KLRG1: variants seen among roughly 807,000 people sequenced by gnomAD.
KLRG1 encodes killer cell lectin-like receptor subfamily G member 1.
A neutral mutation model predicts 21.8 loss-of-function variants in KLRG1; 16 were observed. That is an observed-to-expected ratio of 0.73 (90% CI 0.50 to 1.11). The LOEUF is 1.11. Ranked by LOEUF, KLRG1 falls within the 50% of genes most tolerant of loss-of-function variation. The pLI, the probability that KLRG1 is intolerant of heterozygous loss-of-function variation, is 0.00. For missense variants in KLRG1, 173 were observed against 218.3 expected (o/e 0.79, Z 1.31); for synonymous variants, 69 against 75.9 (o/e 0.91, Z 0.47).
At chr12:9,119,289 G>A in the KLRG1 span, among the ~76,000 whole-genome samples, 1 of 152,210 alleles carries the variant, frequency 6.6e-6, no homozygotes, top group African/African-American at 2.4e-5. Flanking sequence ...AAATAGGAGG[G>A]ATTAATGTTA....
At chr12:8,954,552 G>A (rs1946257429) in intron 1 of KLRG1, among the ~76,000 whole-genome samples, 1 of 151,702 alleles carries the variant, frequency 6.6e-6, no homozygotes, top group Non-Finnish European at 1.5e-5. Flanking sequence ...AAAAAGTTTT[G>A]TGGTTCTCTT....
the KLRG1 span, chr12:9,208,165 G>A: frequency 4.6e-6 from 4 of 864,990 alleles, no homozygotes; most frequent in Non-Finnish European, 7.8e-6. Flanking sequence ...ATTGTAATGA[G>A]TGGAAAGGTG....
the KLRG1 span, chr12:9,089,198 A>C: frequency 6.3e-7 from 1 of 1,582,316 alleles, no homozygotes; most frequent in Non-Finnish European, 8.6e-7. Context: ...GTTGACTCTT[A>C]CCTGATGGAC....
chr12:9,204,833 T>C, the KLRG1 span, among the ~76,000 whole-genome samples: 1 of 152,276 alleles, frequency 6.6e-6, no homozygotes, highest in South Asian at 2.1e-4. Context: ...AAGTGGCTTA[T>C]ACCTAGTTCC....
chr12:9,214,776 T>C, the KLRG1 span, among the ~76,000 whole-genome samples: 1 of 152,016 alleles, frequency 6.6e-6, no homozygotes, highest in Non-Finnish European at 1.5e-5. Flanking sequence ...TAATGCTAAT[T>C]TTAAAATATT....
At chr12:9,011,233 G>T (rs1947628882), downstream of KLRG1, among the ~76,000 whole-genome samples, 1 of 152,158 alleles carries the variant, frequency 6.6e-6, no homozygotes, top group Admixed American at 6.5e-5. Flanking sequence ...ATTGGGTGTA[G>T]TTCTTCACTG....
At chr12:9,087,373 T>C in the KLRG1 span, among the ~76,000 whole-genome samples, 1 of 152,270 alleles carries the variant, frequency 6.6e-6, no homozygotes, top group East Asian at 1.9e-4. Context: ...TGATTAAATC[T>C]GGAGGAGATT....
At chr12:9,061,477 T>A in the KLRG1 span, among the ~76,000 whole-genome samples, 1 of 152,102 alleles carries the variant, frequency 6.6e-6, no homozygotes, top group African/African-American at 2.4e-5. Flanking sequence ...GACTTTTCTT[T>A]AGAGGTAAAG....
chr12:9,034,165 G>A, the KLRG1 span, among the ~76,000 whole-genome samples: 84 of 152,274 alleles, frequency 5.5e-4, no homozygotes, highest in Admixed American at 3.7e-3. Context: ...ATGATGTTTC[G>A]GTTAACAATA....
At chr12:9,043,954 A>C in the KLRG1 span, among the ~76,000 whole-genome samples, 2 of 152,192 alleles carry the variant, frequency 1.3e-5, no homozygotes, top group Admixed American at 1.3e-4. Context: ...ATCCCAGTGG[A>C]GTCTCCACGT....
the KLRG1 span, among the ~76,000 whole-genome samples, chr12:9,071,192 TTTTA>T: frequency 6.6e-6 from 1 of 152,170 alleles, no homozygotes; most frequent in African/African-American, 2.4e-5. Flanking sequence ...ATGCCAGTTA[TTTTA>T]TTTATTTGTT....
At chr12:9,113,689 G>C in the KLRG1 span, 1 of 745,490 alleles carries the variant, frequency 1.3e-6, no homozygotes. Flanking sequence ...GCCGTTGAAG[G>C]CCATGCATAA....
chr12:8,953,064 C>T lies in KLRG1; in HGVS notation c.-156+2828C>T, dbSNP rs780306440. On this transcript the variant is annotated intron_variant, in intron 1 of 4. Transcript: ENST00000539240. ...CTAGTGACACCCCCCCCCCGCAAAA[C>T]CCCCAGGCCTCACTTGACCTGCTGC... is the stretch of plus-strand genomic sequence containing the variant. 2.7e-5 allele frequency among the ~76,000 whole-genome samples: 4 copies of T among 150,034 alleles called. No individual in the cohort carries two copies. The South Asian group carries it at 8.4e-4, about 31-fold the overall frequency.
the KLRG1 span, among the ~76,000 whole-genome samples, chr12:9,129,127 T>C: frequency 6.6e-6 from 1 of 152,212 alleles, no homozygotes; most frequent in Non-Finnish European, 1.5e-5. Context: ...ACTCAAAACC[T>C]ACACAGGCAC....
chr12:9,135,710 G>A, the KLRG1 span: 12 of 186,070 alleles, frequency 6.4e-5, no homozygotes, highest in Admixed American at 2.6e-4. Context: ...TCCGGCACAA[G>A]ATAGAGTGGT....
the KLRG1 span, among the ~76,000 whole-genome samples, chr12:9,085,238 A>G: frequency 6.6e-6 from 1 of 152,120 alleles, no homozygotes; most frequent in African/African-American, 2.4e-5. Context: ...TCTCCAAGAT[A>G]GATCATATTT....
At chr12:9,186,381 C>G in the KLRG1 span, among the ~76,000 whole-genome samples, 2 of 152,154 alleles carry the variant, frequency 1.3e-5, no homozygotes, top group African/African-American at 4.8e-5. Flanking sequence ...AACATGATGG[C>G]AGATTCAAAT....
the KLRG1 span, chr12:9,196,505 T>C: frequency 6.4e-7 from 1 of 1,571,162 alleles, no homozygotes; most frequent in East Asian, 2.2e-5. Flanking sequence ...TTCTTACAAA[T>C]GACCTTTATT....
At chr12:9,060,636 A>T in the KLRG1 span, among the ~76,000 whole-genome samples, 2 of 152,162 alleles carry the variant, frequency 1.3e-5, no homozygotes, top group Admixed American at 1.3e-4. Context: ...ATCTCAAAAA[A>T]CAAAAAAACG....
Sources: gnomAD v4.1 joint callset for allele counts (sites outside exome capture counted in the v4.1 genomes callset) on GRCh38, gnomAD v4.1.1 for gene constraint, MANE v1.5 for transcripts, NCBI Gene and HGNC (gene_info 2026-07-23, HGNC 2026-07-21) for gene names.